KDSR: variants seen among roughly 807,000 people sequenced by gnomAD.
The protein encoded by KDSR is 3-dehydrosphinganine reductase.
Under a neutral mutation model 41.3 loss-of-function variants are expected in KDSR, and 23 were observed. That is an observed-to-expected ratio of 0.56 (90% confidence interval 0.40 to 0.79). The LOEUF (loss-of-function observed/expected upper bound fraction) is 0.79, where lower values mean the gene tolerates loss of function less well. Ranked by LOEUF, KDSR falls within the 30% of genes least tolerant of loss-of-function variation. The pLI, the probability that KDSR is intolerant of heterozygous loss-of-function variation, is 0.00. For synonymous variants in KDSR, 138 were observed against 151.7 expected, an observed-to-expected ratio of 0.91 and a Z score of 0.66; for missense variants, 351 against 416.8, an observed-to-expected ratio of 0.84 and a Z score of 1.37.
intron 2 of KDSR, among the ~76,000 whole-genome samples, chr18:63,361,685 G>T (rs937208448): frequency 3.3e-5 from 5 of 151,982 alleles, no homozygotes; most frequent in African/African-American, 1.2e-4. Flanking sequence ...CGTGGTGGTG[G>T]GCGCCTGTAG....
At chr18:63,333,274 C>T (rs1914065801) in intron 9 of KDSR, among the ~76,000 whole-genome samples, 1 of 152,088 alleles carries the variant, frequency 6.6e-6, no homozygotes, top group Admixed American at 6.5e-5. Flanking sequence ...TTTGTAGAGA[C>T]AGGGTCTCAC....
intron 8 of KDSR, among the ~76,000 whole-genome samples, chr18:63,337,042 T>TA (rs1172460446): frequency 6.7e-6 from 1 of 149,732 alleles, no homozygotes; most frequent in Non-Finnish European, 1.5e-5. Flanking sequence ...AAATTTTGTT[T>TA]AAAAAAAGTC....
chr18:63,359,809 ATAAT>A lies in KDSR; in HGVS notation c.199-21_199-18del, dbSNP rs1167011005. The A allele has an allele frequency of 1.9e-6, 3 of 1,588,314 alleles. No homozygotes were observed. In the Admixed American group the frequency reaches 5.0e-5, roughly 26 times the overall value. On this transcript the variant is annotated intron_variant, in intron 2 of 9. Transcript: ENST00000645214. Reference sequence around the variant, plus strand: ...CAGCTTATCCTGAAAGCAATACAGAATAATTAGTCGTGATGACCGTCTATATGCA... The same window carrying A: ...CAGCTTATCCTGAAAGCAATACAGAATAGTCGTGATGACCGTCTATATGCA...
intron 9 of KDSR, among the ~76,000 whole-genome samples, chr18:63,332,774 G>A (rs1430141654): frequency 6.8e-6 from 1 of 146,856 alleles, no homozygotes; most frequent in Non-Finnish European, 1.5e-5. Context: ...AGAGCGTGCA[G>A]TGAGCTGAGA....
intron 8 of KDSR, among the ~76,000 whole-genome samples, chr18:63,337,962 CA>C (rs1235885397): frequency 1.3e-5 from 2 of 152,048 alleles, no homozygotes; most frequent in Admixed American, 6.6e-5. Context: ...ACAACAACAA[CA>C]AAAAACACCA....
intron 1 of KDSR, among the ~76,000 whole-genome samples, chr18:63,364,073 A>C (rs1463559775): frequency 6.6e-6 from 1 of 152,050 alleles, no homozygotes; most frequent in Non-Finnish European, 1.5e-5. Flanking sequence ...AAACCCTCCA[A>C]CCACAGTACC....
chr18:63,336,849 C>A (rs1350235471), intron 8 of KDSR, among the ~76,000 whole-genome samples: 1 of 152,058 alleles, frequency 6.6e-6, no homozygotes, highest in Non-Finnish European at 1.5e-5. Flanking sequence ...CTTCCCTTTC[C>A]CAACTCCGTA....
chr18:63,338,156 T>C (rs1914237747), intron 8 of KDSR, among the ~76,000 whole-genome samples: 1 of 152,244 alleles, frequency 6.6e-6, no homozygotes. Context: ...TTCAAGGCTG[T>C]CCACCATGTG....
chr18:63,337,921 TC>T (rs1161397757), intron 8 of KDSR, among the ~76,000 whole-genome samples: 1 of 151,942 alleles, frequency 6.6e-6, no homozygotes, highest in East Asian at 1.9e-4. Context: ...AGAGCAAAAC[TC>T]CGTCTCAAAA....
At chr18:63,360,771 A>C (rs770162237) in intron 2 of KDSR, among the ~76,000 whole-genome samples, 139 of 151,302 alleles carry the variant, frequency 9.2e-4, no homozygotes, top group Non-Finnish European at 1.7e-3. Flanking sequence ...GTGGTCCCAG[A>C]TACTCAAGAG....
intron 7 of KDSR, 126 bp downstream of exon 7, chr18:63,344,284 C>A: frequency 1.7e-6 from 1 of 577,934 alleles, no homozygotes; most frequent in Non-Finnish European, 3.1e-6. Flanking sequence ...TCATCAGAAA[C>A]CAGCTAGGCA....
At chr18:63,358,968 C>G (rs1369752764) in intron 3 of KDSR, among the ~76,000 whole-genome samples, 1 of 150,936 alleles carries the variant, frequency 6.6e-6, no homozygotes, top group African/African-American at 2.4e-5. Context: ...TGCTTGAGCC[C>G]AGGAGTTGAA....
chr18:63,338,174 C>T (rs1914238529), intron 8 of KDSR, among the ~76,000 whole-genome samples: 1 of 152,218 alleles, frequency 6.6e-6, no homozygotes, highest in African/African-American at 2.4e-5. Flanking sequence ...GTGCTGACAC[C>T]TCTCATTCCA....
chr18:63,365,218 C>T (rs1325310128), intron 1 of KDSR, among the ~76,000 whole-genome samples: 2 of 152,210 alleles, frequency 1.3e-5, no homozygotes, highest in Non-Finnish European at 2.9e-5. Context: ...TGATTTTCTG[C>T]TTTTTTCCTG....
At chr18:63,359,657 C>T (rs1347275846) in intron 3 of KDSR, 79 bp downstream of exon 3, 18 of 908,762 alleles carry the variant, frequency 2.0e-5, no homozygotes, top group Non-Finnish European at 2.8e-5. Flanking sequence ...TAACTATTCA[C>T]AGGTGAAGTA....
intron 6 of KDSR, chr18:63,346,316 G>C (rs1914500411): frequency 6.6e-6 from 1 of 152,310 alleles, no homozygotes; most frequent in Admixed American, 6.5e-5. Context: ...ACTTGTTTTT[G>C]AGATAGTGAC....
chr18:63,343,599 G>A (rs1914411342), intron 7 of KDSR, among the ~76,000 whole-genome samples: 1 of 151,754 alleles, frequency 6.6e-6, no homozygotes, highest in South Asian at 2.1e-4. Context: ...ATGTTGCCCA[G>A]GCTGGTCTTG....
chr18:63,339,594 C>T (rs924120914), intron 7 of KDSR, among the ~76,000 whole-genome samples: 1 of 152,224 alleles, frequency 6.6e-6, no homozygotes, highest in East Asian at 1.9e-4. Flanking sequence ...AAAAAGCCTT[C>T]CCTAAATACC....
At chr18:63,352,848 G>A (rs544811376) in intron 5 of KDSR, among the ~76,000 whole-genome samples, 1 of 151,704 alleles carries the variant, frequency 6.6e-6, no homozygotes, top group South Asian at 2.1e-4. Flanking sequence ...GTGTGTTTTC[G>A]TAACATAATA....
Sources: gnomAD v4.1 joint callset for allele counts (sites outside exome capture counted in the v4.1 genomes callset) on GRCh38, gnomAD v4.1.1 for gene constraint, MANE v1.5 for transcripts, NCBI Gene and HGNC (gene_info 2026-07-23, HGNC 2026-07-21) for gene names.